CTNND2: variants seen among roughly 807,000 people sequenced by gnomAD.
CTNND2 encodes the protein catenin delta 2.
A neutral mutation model predicts 144.4 loss-of-function variants in CTNND2; 22 were observed. The observed-to-expected ratio is 0.15, with a 90% confidence interval of 0.11 to 0.22. The LOEUF (loss-of-function observed/expected upper bound fraction) is 0.22, where lower values mean the gene tolerates loss of function less well. Among genes scored for constraint, CTNND2 ranks in the 10% least tolerant of loss-of-function variants. The pLI is 1.00. For synonymous variants in CTNND2, 751 were observed against 695.6 expected, an observed-to-expected ratio of 1.08 and a Z score of -1.25; for missense variants, 1,353 against 1,618.8, an observed-to-expected ratio of 0.84 and a Z score of 2.82.
intron 10 of CTNND2, among the ~76,000 whole-genome samples, chr5:11,232,047 G>A (rs967991627): frequency 1.1e-4 from 16 of 152,222 alleles, no homozygotes; most frequent in African/African-American, 2.9e-4. Flanking sequence ...TGTTGAGTCC[G>A]TGGGTGCACA....
chr5:11,237,352 T>C lies in CTNND2; in HGVS notation c.1629-529A>G, dbSNP rs571972461. On this transcript the variant is annotated intron_variant, in intron 9 of 21. Transcript: ENST00000304623. ...AGTTTTCAAGTGCAAACGTGTATAC[T>C]ACATATATTGGTTTTATAGATTATA... Among the ~76,000 whole-genome samples, 3 of 152,346 alleles carry C rather than the reference T, an allele frequency of 2.0e-5. No homozygotes were observed. The South Asian group carries it at 6.2e-4, about 32-fold the overall frequency.
intron 1 of CTNND2, among the ~76,000 whole-genome samples, chr5:11,806,826 TA>T (rs917048254): frequency 2.0e-5 from 3 of 151,766 alleles, no homozygotes; most frequent in Non-Finnish European, 2.9e-5. Flanking sequence ...TAATTGATCT[TA>T]AAAAAAAGAT....
chr5:11,416,239 A>T (rs1260178922), intron 3 of CTNND2, among the ~76,000 whole-genome samples: 11 of 152,168 alleles, frequency 7.2e-5, no homozygotes, highest in Non-Finnish European at 1.6e-4. Flanking sequence ...TTTTCTGTTC[A>T]TCTCTATCAA....
intron 1 of CTNND2, among the ~76,000 whole-genome samples, chr5:11,802,367 A>C (rs188290713): frequency 2.0e-5 from 3 of 152,280 alleles, no homozygotes; most frequent in Non-Finnish European, 4.4e-5. Flanking sequence ...CAGGAGTTTG[A>C]AACCAGCCTG....
chr5:11,369,135 T>C (rs1262189707), intron 7 of CTNND2, among the ~76,000 whole-genome samples: 1 of 152,234 alleles, frequency 6.6e-6, no homozygotes, highest in African/African-American at 2.4e-5. Context: ...AAAATGTGAA[T>C]GTTATAGTTT....
chr5:11,177,947 G>A (rs920516184), intron 11 of CTNND2, among the ~76,000 whole-genome samples: 1 of 152,122 alleles, frequency 6.6e-6, no homozygotes, highest in Non-Finnish European at 1.5e-5. Context: ...TTATACCAGA[G>A]GAATGTATAT....
At chr5:11,329,761 G>A (rs890553445) in intron 9 of CTNND2, among the ~76,000 whole-genome samples, 5 of 152,166 alleles carry the variant, frequency 3.3e-5, no homozygotes, top group Admixed American at 6.5e-5. Flanking sequence ...GCCAGGCTCT[G>A]CAAAGGGGCT....
chr5:11,259,650 C>G (rs1041804394), intron 9 of CTNND2, among the ~76,000 whole-genome samples: 1 of 152,174 alleles, frequency 6.6e-6, no homozygotes, highest in African/African-American at 2.4e-5. Flanking sequence ...ATAGGAAGAG[C>G]TTTTGCTATG....
chr5:11,603,439 C>G (rs73742874), intron 2 of CTNND2, among the ~76,000 whole-genome samples: 2,243 of 152,194 alleles, frequency 0.015, 59 homozygotes, highest in African/African-American at 0.052. Context: ...CAGGACCTCA[C>G]GTGCTGCACC....
chr5:11,537,054 G>GC, intron 3 of CTNND2, among the ~76,000 whole-genome samples: 1 of 108,550 alleles, frequency 9.2e-6, no homozygotes, highest in Non-Finnish European at 2.1e-5. Context: ...GGCAGCAGGT[G>GC]GGGGGAAGGA....
intron 9 of CTNND2, among the ~76,000 whole-genome samples, chr5:11,255,506 A>G (rs1744143744): frequency 6.6e-6 from 1 of 152,188 alleles, no homozygotes; most frequent in South Asian, 2.1e-4. Context: ...TCTTAGAACT[A>G]AAATCACCAT....
chr5:11,877,721 CCAT>C (rs57755958), intron 1 of CTNND2, among the ~76,000 whole-genome samples: 149,270 of 151,310 alleles, frequency 0.99, 73,659 homozygotes, highest in Middle Eastern at 1. Context: ...AGCACCATCA[CCAT>C]CATCATCATC....
Position 11,763,824 on chromosome 5 carries a change from A to G in CTNND2, c.38-31552T>C, listed in dbSNP as rs189392057. Among the ~76,000 whole-genome samples, 81 of 152,192 alleles carry G rather than the reference A, an allele frequency of 5.3e-4. 1 individual carries two copies. The highest frequency in any genetic ancestry group is 1.8e-3 in the African/African-American group (73 of 41,546). On this transcript the variant is annotated intron_variant, in intron 1 of 21. Transcript: ENST00000304623. ...TGGTTTCCCTGTTTTTGTTCATTGC[A>G]TCTTGATCTTCCTTGACAGACTTAC...
chr5:11,332,444 C>G (rs1383697919), intron 9 of CTNND2, among the ~76,000 whole-genome samples: 2 of 151,968 alleles, frequency 1.3e-5, no homozygotes, highest in Admixed American at 6.6e-5. Flanking sequence ...GCCTGGCCAG[C>G]CTGTAGTTGT....
At chr5:11,062,594 T>G (rs1747118098) in intron 16 of CTNND2, among the ~76,000 whole-genome samples, 1 of 152,252 alleles carries the variant, frequency 6.6e-6, no homozygotes. Flanking sequence ...TCTTCTAATG[T>G]TAACCCTTGA....
At chr5:11,759,500 C>A (rs1213955096) in intron 1 of CTNND2, among the ~76,000 whole-genome samples, 2 of 151,948 alleles carry the variant, frequency 1.3e-5, no homozygotes, top group African/African-American at 4.8e-5. Context: ...TTAGACAAAG[C>A]ACAAATATTC....
At position 11,314,309 on chromosome 5, in the gene CTNND2, T is replaced by A. The variant is rs982660966; in HGVS notation, c.1628+32063A>T. ...GCTCTGTGTTATATCTGGATTCCTG[T>A]CTGCTCCCAAGTCAGACTCAAAGCT... On this transcript the variant is annotated intron_variant, in intron 9 of 21. Coordinates refer to ENST00000304623, the MANE Select transcript of CTNND2 (RefSeq NM_001332.4). 2.6e-5 allele frequency among the ~76,000 whole-genome samples: 4 copies of A among 152,150 alleles called. 1 individual carries two copies. In the East Asian group the frequency reaches 5.8e-4, roughly 22 times the overall value.
intron 11 of CTNND2, among the ~76,000 whole-genome samples, chr5:11,186,378 C>T (rs960203655): frequency 6.6e-6 from 1 of 152,156 alleles, no homozygotes; most frequent in African/African-American, 2.4e-5. Flanking sequence ...TTACTGCTGG[C>T]TGTAAGTCAG....
intron 10 of CTNND2, among the ~76,000 whole-genome samples, chr5:11,203,020 G>T (rs1157413483): frequency 6.6e-6 from 1 of 152,032 alleles, no homozygotes; most frequent in East Asian, 1.9e-4. Flanking sequence ...GGTCAGGCTG[G>T]TCTCAAACTC....
Sources: allele counts gnomAD v4.1 joint callset (sites outside exome capture counted in the v4.1 genomes callset), GRCh38; gene constraint gnomAD v4.1.1; transcripts MANE v1.5; gene names NCBI Gene and HGNC (gene_info 2026-07-23, HGNC 2026-07-21).